NR3C1: variants seen among roughly 807,000 people sequenced by gnomAD.
NR3C1 encodes the protein nuclear receptor subfamily 3 group C member 1.
NR3C1 carries 14 observed loss-of-function variants against 74.0 expected under a neutral mutation model. The ratio of observed to expected loss-of-function variants is 0.19; its 90% CI spans 0.12 to 0.30. NR3C1 has a LOEUF of 0.30. NR3C1 is among the 10% of genes least tolerant of loss of function. The pLI is 1.00. For missense variants in NR3C1, 695 were observed against 909.8 expected (o/e 0.76, Z 3.04); for synonymous variants, 308 against 332.5 (o/e 0.93, Z 0.80).
intron 3 of NR3C1, among the ~76,000 whole-genome samples, chr5:143,311,832 T>C (rs1262940960): frequency 6.7e-6 from 1 of 149,802 alleles, no homozygotes; most frequent in East Asian, 2.0e-4. Flanking sequence ...GGTCTCGTTA[T>C]GTTGCTCAGG....
chr5:143,428,906 T>G (rs1285366441), intron 1 of NR3C1, among the ~76,000 whole-genome samples: 3 of 152,168 alleles, frequency 2.0e-5, no homozygotes, highest in Non-Finnish European at 4.4e-5. Context: ...CCTTATTACT[T>G]TAGGGCACAC....
intron 2 of NR3C1, among the ~76,000 whole-genome samples, chr5:143,320,235 T>TG (rs1304513436): frequency 5.9e-5 from 9 of 152,356 alleles, no homozygotes; most frequent in African/African-American, 2.2e-4. Context: ...CCTTTCACAA[T>TG]ATTTCTGTTA....
chr5:143,320,957 T>C (rs1269373432), intron 2 of NR3C1, among the ~76,000 whole-genome samples: 2 of 152,176 alleles, frequency 1.3e-5, no homozygotes, highest in African/African-American at 4.8e-5. Flanking sequence ...GAAGCAATAA[T>C]AGTACATTGA....
chr5:143,315,170 T>C (rs1475501998), intron 2 of NR3C1, among the ~76,000 whole-genome samples: 2 of 152,238 alleles, frequency 1.3e-5, no homozygotes, highest in Non-Finnish European at 2.9e-5. Flanking sequence ...GATATATTTT[T>C]ATAAACCAAT....
chr5:143,328,400 C>T (rs1020651244), intron 2 of NR3C1, among the ~76,000 whole-genome samples: 3 of 152,246 alleles, frequency 2.0e-5, no homozygotes, highest in Non-Finnish European at 2.9e-5. Context: ...TCTCCATTGT[C>T]TTGGTTATTA....
chr5:143,295,279 A>C (rs1816931455), intron 7 of NR3C1, 181 bp downstream of exon 7: 7 of 985,330 alleles, frequency 7.1e-6, no homozygotes, highest in Non-Finnish European at 8.4e-6. Flanking sequence ...TATTTGTCTT[A>C]TTAATCTTGG....
At chr5:143,395,501 A>G (rs554163094) in intron 2 of NR3C1, among the ~76,000 whole-genome samples, 1 of 152,008 alleles carries the variant, frequency 6.6e-6, no homozygotes, top group South Asian at 2.1e-4. Context: ...TCTGGCAAAT[A>G]CCTGTAAATA....
chr5:143,299,853 G>C (rs2151554662), intron 5 of NR3C1, among the ~76,000 whole-genome samples: 1 of 152,306 alleles, frequency 6.6e-6, no homozygotes, highest in South Asian at 2.1e-4. Context: ...AATAAAACAA[G>C]GATGACAGGA....
rs559581061 is a variant in NR3C1, at chr5:143,305,324, A to T, written c.1469-4561T>A. Among the ~76,000 whole-genome samples the T allele has an allele frequency of 3.3e-5, 5 of 152,354 alleles. No homozygotes were observed. The South Asian group carries it at 6.2e-4, about 19-fold the overall frequency. On this transcript the variant is annotated intron_variant, in intron 4 of 8. Coordinates refer to ENST00000394464, the MANE Select transcript of NR3C1 (RefSeq NM_000176.3). ...CAAAACCACAATGACACCACTGTGG[A>T]AAGAAGTTTGGAGATTCTTCAAAGA...
At position 143,279,590 on chromosome 5, in the gene NR3C1, T is replaced by C. The variant is rs72542766; in HGVS notation, c.*2299A>G. The stretch of plus-strand genomic sequence containing the variant: ...TTCAAAAAGCAAATGATTGTTTTTT[T>C]ATTAAATAATTTCTCCAAAATACTG... On this transcript the variant is annotated 3_prime_UTR_variant, in exon 9 of 9. Coordinates refer to ENST00000394464, the MANE Select transcript of NR3C1 (RefSeq NM_000176.3). The C allele has an allele frequency of 2.0e-6, 1 of 495,924 alleles. No individual in the cohort carries two copies. The highest frequency in any genetic ancestry group is 2.0e-5 in the African/African-American group (1 of 49,730). The allele number at this position is 495,924 out of a possible 1,614,324, so 30.7% of individuals were successfully genotyped here.
intron 4 of NR3C1, among the ~76,000 whole-genome samples, chr5:143,307,480 G>T (rs1819888222): frequency 6.6e-6 from 1 of 152,114 alleles, no homozygotes; most frequent in Non-Finnish European, 1.5e-5. Flanking sequence ...TGGATAGGGA[G>T]AAATTGCCCA....
intron 2 of NR3C1, among the ~76,000 whole-genome samples, chr5:143,365,352 C>T (rs934693975): frequency 8.6e-5 from 13 of 151,910 alleles, no homozygotes; most frequent in African/African-American, 2.9e-4. Context: ...ATATTCCATG[C>T]AAACAGTAAA....
At chr5:143,418,551 C>T (rs943806528) in intron 1 of NR3C1, among the ~76,000 whole-genome samples, 5 of 152,174 alleles carry the variant, frequency 3.3e-5, no homozygotes, top group Non-Finnish European at 7.4e-5. Context: ...CTGCTGAATG[C>T]CTCTGTGCAG....
chr5:143,371,120 T>C (rs575936615), intron 2 of NR3C1, among the ~76,000 whole-genome samples: 1 of 152,222 alleles, frequency 6.6e-6, no homozygotes, highest in Non-Finnish European at 1.5e-5. Context: ...GAAATTTTGT[T>C]TTAGATTAGA....
At chr5:143,419,780 T>G (rs187197572) in intron 1 of NR3C1, among the ~76,000 whole-genome samples, 1 of 152,294 alleles carries the variant, frequency 6.6e-6, no homozygotes, top group East Asian at 1.9e-4. Context: ...CACCATTGTC[T>G]TTGATAACAT....
intron 2 of NR3C1, among the ~76,000 whole-genome samples, chr5:143,360,542 G>C (rs1832032733): frequency 6.6e-6 from 1 of 152,188 alleles, no homozygotes; most frequent in Admixed American, 6.5e-5. Context: ...ATTTAGGATA[G>C]TATCAGACTT....
Position 143,365,284 on chromosome 5 carries a change from G to T in NR3C1, c.1184+34372C>A, listed in dbSNP as rs143293148. ...AAAGCAAAGATTGGCAGATCCAATT[G>T]CTATCTACAGAGATTCACCTTAGAC... On this transcript the variant is annotated intron_variant, in intron 2 of 8. Transcript: ENST00000394464. Among the ~76,000 whole-genome samples, 34 of 152,240 alleles carry T rather than the reference G, an allele frequency of 2.2e-4. No homozygotes were observed. In the East Asian group the frequency reaches 6.6e-3, roughly 29 times the overall value.
At chr5:143,333,714 G>C (rs1342050091) in intron 2 of NR3C1, among the ~76,000 whole-genome samples, 1 of 152,150 alleles carries the variant, frequency 6.6e-6, no homozygotes, top group Non-Finnish European at 1.5e-5. Flanking sequence ...ACTGCAGTGA[G>C]CCAAGATTGC....
At position 143,295,581 on chromosome 5, in the gene NR3C1, C is replaced by A; in HGVS notation, c.1902G>T (p.Met634Ile). The change falls in exon 7 of 9, where the codon ATG (methionine) becomes ATT (isoleucine). Residue 634 changes from methionine to isoleucine, a missense_variant. By Grantham distance (10) the Met-to-Ile change is conservative (BLOSUM62 1). This residue lies in a region of NR3C1 where 133 missense variants were observed against 287.9 expected (regional missense o/e 0.46). Coordinates refer to ENST00000394464, the MANE Select transcript of NR3C1 (RefSeq NM_000176.3). ...ATTGGTCGTACATGCAGGGTAGAGT[C>A]ATTCTCTGCCTGTGAAAGATAAATA... is the stretch of plus-strand genomic sequence containing the variant. Reference protein sequence around the residue: ...APDLIINEQRMTLPCMYDQCK... With the variant: ...APDLIINEQRITLPCMYDQCK... The A allele has an allele frequency of 2.5e-6, 4 of 1,610,958 alleles. No individual in the cohort carries two copies. In the South Asian group the frequency reaches 4.4e-5, roughly 18 times the overall value.
Sources: gnomAD v4.1 joint callset for allele counts (sites outside exome capture counted in the v4.1 genomes callset) on GRCh38, gnomAD v4.1.1 for gene constraint, gnomAD v4.1.1 regional missense constraint, MANE v1.5 for transcripts, NCBI Gene and HGNC (gene_info 2026-07-23, HGNC 2026-07-21) for gene names.